Variants in MRPS18C observed in about 807,000 individuals in gnomAD.
MRPS18C encodes mitochondrial ribosomal protein S18C, also known as small ribosomal subunit protein bS18m.
In MRPS18C, 21 loss-of-function variants were observed where a neutral mutation model predicts 21.0. The ratio of observed to expected loss-of-function variants is 1.00; its 90% CI spans 0.71 to 1.44. The LOEUF is 1.44. Ranked by LOEUF, MRPS18C falls within the 40% of genes most tolerant of loss-of-function variation. The pLI is 0.00. For synonymous variants in MRPS18C, 65 were observed against 54.3 expected (o/e 1.20, Z -0.87); for missense variants, 152 against 171.5 (o/e 0.89, Z 0.64).
chr4:83,460,455 C>G (rs1722045869), intron 4 of MRPS18C: 2 of 153,494 alleles, frequency 1.3e-5, no homozygotes, highest in Admixed American at 1.3e-4. Flanking sequence ...GCACCCAACC[C>G]CACTTGTTTT....
intron 4 of MRPS18C, 92 bp downstream of exon 4, chr4:83,459,889 T>A: frequency 6.4e-6 from 7 of 1,099,744 alleles, no homozygotes; most frequent in Non-Finnish European, 9.3e-6. Context: ...TTTCAAATTG[T>A]GCTATAAATT....
At chr4:83,458,521 T>C (rs1721951836) in intron 3 of MRPS18C, 92 bp downstream of exon 3, 1 of 927,088 alleles carries the variant, frequency 1.1e-6, no homozygotes, top group Non-Finnish European at 1.6e-6. Context: ...CAGGCTTTTG[T>C]AGAGGTAACT....
Position 83,458,407 on chromosome 4 carries a change from A to C in MRPS18C, c.212A>C (p.His71Pro). 6.3e-7 allele frequency: 1 copy of C among 1,598,490 alleles called. No homozygotes were observed. Among genetic ancestry groups the C allele is most frequent in the Non-Finnish European group, 8.6e-7 (1 of 1,167,508 alleles). The change falls in exon 3 of 6, where the codon CAT (histidine) becomes CCT (proline). Residue 71 changes from histidine (H) to proline (P), a missense_variant. Physicochemically the swap from His to Pro is moderately conservative, Grantham distance 77. This residue lies in a region of MRPS18C where 118 missense variants were observed against 104.4 expected (regional missense o/e 1.13). Transcript: ENST00000295491. ...AAGAAATGTATCTTGTGTGGAAAGC[A>C]TGTAGATTATAAGAATGTACAGGTG... ...PLKKCILCGK[H>P]VDYKNVQLLS...
intron 3 of MRPS18C, 138 bp downstream of exon 3, chr4:83,458,567 A>T: frequency 1.7e-6 from 1 of 605,266 alleles, no homozygotes; most frequent in African/African-American, 1.9e-5. Flanking sequence ...TTTGGTTATA[A>T]TTCTATGTAT....
rs974480873 is a variant in MRPS18C, at chr4:83,456,254, G to A, written c.100+77G>A. The A allele has an allele frequency of 5.5e-6, 5 of 909,994 alleles. No homozygotes were observed. In the Admixed American group the frequency reaches 1.0e-4, roughly 18 times the overall value. The allele number at this position is 909,994 out of a possible 1,614,324, so 56.4% of individuals were successfully genotyped here. ...AGTCCTAATGGTTAGAGTCGTCCCTGTTAGCAAAACGACTCTGGTTTCTAG... is the reference window on the plus strand; with the variant it reads ...AGTCCTAATGGTTAGAGTCGTCCCTATTAGCAAAACGACTCTGGTTTCTAG... On this transcript the variant is annotated intron_variant, in intron 1 of 5. Transcript: ENST00000295491.
At position 83,458,329 on chromosome 4, in the gene MRPS18C, T is replaced by C; in HGVS notation, c.151-17T>C. ...ATTAACACATCCTATTATCAGACTT[T>C]TCGTTTTTTTCCCTAGCCCATTTCA... is the stretch of plus-strand genomic sequence containing the variant. On this transcript the variant is annotated splice_polypyrimidine_tract_variant and intron_variant, in intron 2 of 5. Transcript: ENST00000295491. 2 of 1,522,054 alleles carry C rather than the reference T, an allele frequency of 1.3e-6. No individual in the cohort carries two copies. The highest frequency in any genetic ancestry group is 1.8e-6 in the Non-Finnish European group (2 of 1,101,454). The allele number at this position is 1,522,054 out of a possible 1,614,324, so 94.3% of individuals were successfully genotyped here. A position where few individuals can be genotyped will look rare whatever the true frequency, so the allele number is the denominator to read the frequency against.
chr4:83,456,201 C>T (rs780923930), intron 1 of MRPS18C, 24 bp downstream of exon 1: 6 of 1,598,660 alleles, frequency 3.8e-6, no homozygotes, highest in Non-Finnish European at 5.1e-6. Flanking sequence ...ATCCTATGCT[C>T]CATTGTAGCG....
intron 2 of MRPS18C, 42 bp downstream of exon 2, chr4:83,457,000 G>T (rs1721867493): frequency 1.3e-6 from 2 of 1,541,896 alleles, no homozygotes; most frequent in South Asian, 2.3e-5. Context: ...TTGCAAATAT[G>T]ACCAAAATGT....
rs1326162379 is a variant in MRPS18C at position 83,459,808 on chromosome 4, T to C, written c.292+11T>C. On this transcript the variant is annotated intron_variant, in intron 4 of 5. Coordinates refer to ENST00000295491, the MANE Select transcript of MRPS18C (RefSeq NM_016067.4). ...GAAGGCACATTACAGGTATGTTCTT[T>C]TTTATTATGGGAATATAAATGTAGA... The C allele has an allele frequency of 5.7e-6, 9 of 1,569,946 alleles. No homozygotes were observed. Among genetic ancestry groups the C allele is most frequent in the Non-Finnish European group, 7.0e-6 (8 of 1,148,396 alleles).
At chr4:83,456,294 C>A in intron 1 of MRPS18C, 117 bp downstream of exon 1, 1 of 879,102 alleles carries the variant, frequency 1.1e-6, no homozygotes, top group Non-Finnish European at 1.8e-6. Flanking sequence ...TTAAGTTTCT[C>A]CAAGATGGGT....
At chr4:83,458,600 AG>A in intron 3 of MRPS18C, 171 bp downstream of exon 3, 1 of 487,224 alleles carries the variant, frequency 2.1e-6, no homozygotes, top group Non-Finnish European at 3.5e-6. Context: ...GCTTTATTCA[AG>A]TAAAAGCACC....
chr4:83,459,225 G>GA (rs11449455), intron 3 of MRPS18C: 89,373 of 149,472 alleles, frequency 0.6, 27,853 homozygotes, highest in African/African-American at 0.78. Context: ...GAAGAACCAA[G>GA]AATTACAAAA....
chr4:83,458,624 C>T, intron 3 of MRPS18C, 195 bp downstream of exon 3: 1 of 443,474 alleles, frequency 2.3e-6, no homozygotes, highest in Non-Finnish European at 3.9e-6. Context: ...GGCTTTCCCC[C>T]ACTTACTGTT....
rs1005198891 is a variant in MRPS18C, at chr4:83,461,957, A to G, written c.*760A>G. ...ATTTTATCTGGCAACTCTAGCCATA[A>G]TGTACTTCTAAAAAAGTATCACTTA... On this transcript the variant is annotated 3_prime_UTR_variant, in exon 6 of 6. Coordinates refer to ENST00000295491, the MANE Select transcript of MRPS18C (RefSeq NM_016067.4). 2 of 229,516 alleles carry G rather than the reference A, an allele frequency of 8.7e-6. No homozygotes were observed. The highest frequency in any genetic ancestry group is 4.4e-5 in the African/African-American group (2 of 45,184). The allele number at this position is 229,516 out of a possible 1,614,324, so 14.2% of individuals were successfully genotyped here.
rs778985810 is a variant in MRPS18C at position 83,458,447 on chromosome 4, T to C, written c.234+18T>C. 9 of 1,538,874 alleles carry C rather than the reference T, an allele frequency of 5.8e-6. No homozygotes were observed. Among genetic ancestry groups the C allele is most frequent in the Admixed American group, 1.8e-5 (1 of 54,350 alleles). ...ATGTACAGGTGAGATCTGGTTTTACTTCACTATATTTTAGGGTTTTGCTTC... is the reference window on the plus strand; with the variant it reads ...ATGTACAGGTGAGATCTGGTTTTACCTCACTATATTTTAGGGTTTTGCTTC... On this transcript the variant is annotated intron_variant, in intron 3 of 5. Transcript: ENST00000295491.
intron 4 of MRPS18C, chr4:83,460,289 C>G (rs1722036361): frequency 6.6e-6 from 1 of 152,322 alleles, no homozygotes; most frequent in Non-Finnish European, 1.5e-5. Context: ...TCCCGAATAG[C>G]TGGGATTACA....
chr4:83,456,998 A>G (rs1174533958), intron 2 of MRPS18C, 40 bp downstream of exon 2: 12 of 1,543,714 alleles, frequency 7.8e-6, no homozygotes, highest in Non-Finnish European at 9.8e-6. Flanking sequence ...CTTTGCAAAT[A>G]TGACCAAAAT....
Position 83,459,810 on chromosome 4 carries a change from T to C in MRPS18C, c.292+13T>C. On this transcript the variant is annotated intron_variant, in intron 4 of 5. Coordinates refer to ENST00000295491, the MANE Select transcript of MRPS18C (RefSeq NM_016067.4). ...AGGCACATTACAGGTATGTTCTTTT[T>C]TATTATGGGAATATAAATGTAGATA... 1 of 1,563,640 alleles carries C rather than the reference T, an allele frequency of 6.4e-7. No homozygotes were observed. The highest frequency in any genetic ancestry group is 8.8e-7 in the Non-Finnish European group (1 of 1,142,730).
At chr4:83,456,825 C>T in intron 1 of MRPS18C, 84 bp from the exon 2 acceptor site, 1 of 1,339,902 alleles carries the variant, frequency 7.5e-7, no homozygotes. Context: ...TCCCTTAATT[C>T]ATCCTGTCTC....
Sources: allele counts gnomAD v4.1 joint callset, GRCh38; gene constraint gnomAD v4.1.1; regional missense constraint gnomAD v4.1.1; transcripts MANE v1.5; gene names NCBI Gene and HGNC (gene_info 2026-07-23, HGNC 2026-07-21).